MAL: variants seen among roughly 807,000 people sequenced by gnomAD.
The protein encoded by MAL is mal, T cell differentiation protein (MAL blood group).
In MAL, 5 loss-of-function variants were observed where a neutral mutation model predicts 16.7. That is an observed-to-expected ratio of 0.30 (90% CI 0.16 to 0.63). MAL has a LOEUF of 0.63. Ranked by LOEUF, MAL falls within the 30% of genes least tolerant of loss-of-function variation. The pLI is 0.82. For missense variants in MAL, 202 were observed against 195.8 expected (o/e 1.03, Z -0.19); for synonymous variants, 96 against 85.5 (o/e 1.12, Z -0.67).
chr2:95,034,505 T>C (rs1674160101), intron 1 of MAL, among the ~76,000 whole-genome samples: 1 of 152,226 alleles, frequency 6.6e-6, no homozygotes, highest in South Asian at 2.1e-4. Context: ...CAGGCTCAGA[T>C]TAAAGCTTTC....
chr2:95,036,857 G>GTGAGTGAC (rs201275333), intron 1 of MAL, among the ~76,000 whole-genome samples: 5 of 151,558 alleles, frequency 3.3e-5, no homozygotes, highest in Non-Finnish European at 7.4e-5. Flanking sequence ...GAGTGAGTGA[G>GTGAGTGAC]TGAGTGACTG....
At chr2:95,044,596 C>T (rs1434835013) in intron 1 of MAL, 1 of 152,214 alleles carries the variant, frequency 6.6e-6, no homozygotes, top group East Asian at 1.9e-4. Flanking sequence ...TGGGGTTAAA[C>T]CCATAGTGGG....
At chr2:95,035,836 A>G (rs1674192096) in intron 1 of MAL, among the ~76,000 whole-genome samples, 1 of 151,662 alleles carries the variant, frequency 6.6e-6, no homozygotes, top group Non-Finnish European at 1.5e-5. Context: ...CACCCGGCTA[A>G]TTTTTTGTAT....
intron 3 of MAL, among the ~76,000 whole-genome samples, chr2:95,051,203 C>G (rs1480974412): frequency 6.6e-6 from 1 of 152,134 alleles, no homozygotes; most frequent in Non-Finnish European, 1.5e-5. Flanking sequence ...TTATCAAAGG[C>G]AGCACACAGC....
At chr2:95,035,046 G>A (rs1251165109) in intron 1 of MAL, among the ~76,000 whole-genome samples, 2 of 152,222 alleles carry the variant, frequency 1.3e-5, no homozygotes, top group African/African-American at 4.8e-5. Context: ...CATAAGATGA[G>A]TCCTTGACCT....
chr2:95,048,073 A>G lies in MAL; in HGVS notation c.208A>G (p.Ile70Val), dbSNP rs147657459. The change falls in exon 2 of 4, where the codon ATC becomes GTC. Residue 70 changes from isoleucine to valine, a missense_variant. Transcript: ENST00000309988. ...VFCFVATTTLIILYIIGAHGG... is the reference protein window; with the variant it reads ...VFCFVATTTLVILYIIGAHGG... ...CTGCTTCGTGGCCACCACCACCTTG[A>G]TCATCCTGTACATAATTGGAGCCCA... The G allele has an allele frequency of 1.4e-5, 23 of 1,613,582 alleles. No homozygotes were observed. The African/African-American group carries it at 3.1e-4, about 22-fold the overall frequency.
At chr2:95,034,934 C>T (rs1674170253) in intron 1 of MAL, among the ~76,000 whole-genome samples, 1 of 152,232 alleles carries the variant, frequency 6.6e-6, no homozygotes, top group Non-Finnish European at 1.5e-5. Context: ...AGTCTGCCCA[C>T]ATCCCTGGCA....
chr2:95,047,140 C>A (rs573077734), intron 1 of MAL, among the ~76,000 whole-genome samples: 1 of 152,224 alleles, frequency 6.6e-6, no homozygotes. Flanking sequence ...ACTACCATTG[C>A]ATAAAGGAAA....
chr2:95,032,796 G>A (rs906647393), intron 1 of MAL, among the ~76,000 whole-genome samples: 2 of 152,158 alleles, frequency 1.3e-5, no homozygotes, highest in African/African-American at 4.8e-5. Flanking sequence ...CCCTTCTTGG[G>A]GTCATGAACG....
intron 1 of MAL, among the ~76,000 whole-genome samples, chr2:95,046,900 GAGAGAGAGAA>G (rs1232598004): frequency 1.3e-5 from 2 of 148,872 alleles, no homozygotes; most frequent in Admixed American, 6.7e-5. Context: ...AAAAGAAAGA[GAGAGAGAGAA>G]AGAGAGAGAA....
rs546362510 is a variant in MAL at position 95,049,265 on chromosome 2, C to G, written c.262-316C>G. ...ACCCAACCTGGACTGTGGCCATGCA[C>G]GACACTTCTCAGATCCAGGACCAGC... is the stretch of plus-strand genomic sequence containing the variant. On this transcript the variant is annotated intron_variant, in intron 2 of 3. Coordinates refer to ENST00000309988, the MANE Select transcript of MAL (RefSeq NM_002371.4). Among the ~76,000 whole-genome samples, 5 of 152,328 alleles carry G rather than the reference C, an allele frequency of 3.3e-5. No homozygotes were observed. The South Asian group carries it at 6.2e-4, about 19-fold the overall frequency.
Position 95,025,712 on chromosome 2 carries a change from G to C in MAL, c.-81G>C. 5.1e-6 allele frequency: 5 copies of C among 979,780 alleles called. No individual in the cohort carries two copies. Among genetic ancestry groups the C allele is most frequent in the Non-Finnish European group, 7.1e-6 (5 of 702,968 alleles). 60.7% of individuals were successfully genotyped at this position (979,780 alleles called of 1,614,324 possible). A position where few individuals can be genotyped will look rare whatever the true frequency, so the allele number is the denominator to read the frequency against. On this transcript the variant is annotated 5_prime_UTR_variant, in exon 1 of 4. Coordinates refer to ENST00000309988, the MANE Select transcript of MAL (RefSeq NM_002371.4). The surrounding 1 kb of genome is among the most constrained non-coding windows in gnomAD (Gnocchi z 5.6). ...GCGCGCGGGGGCGCCCAGGCCACTGGGCTCCGCGGAGCCAGCGAGAGGTCT... is the reference window on the plus strand; with the variant it reads ...GCGCGCGGGGGCGCCCAGGCCACTGCGCTCCGCGGAGCCAGCGAGAGGTCT...
chr2:95,048,028 G>A lies in MAL; in HGVS notation c.163G>A (p.Val55Met). Residue 55 changes from valine (V) to methionine (M), a missense_variant, in exon 2 of 4, where the codon GTG becomes ATG. Physicochemically the swap from Val to Met is conservative, Grantham distance 21. Coordinates refer to ENST00000309988, the MANE Select transcript of MAL (RefSeq NM_002371.4). ...GCCCTGGCCCCTGGTCCAGGGCTGG[G>A]TGATGTTCGTGTCTGTGTTCTGCTT... Reference protein sequence around the residue: ...LVPWPLVQGWVMFVSVFCFVA... With the variant: ...LVPWPLVQGWMMFVSVFCFVA... 6.2e-7 allele frequency: 1 copy of A among 1,613,976 alleles called. No individual in the cohort carries two copies. Among genetic ancestry groups the A allele is most frequent in the Non-Finnish European group, 8.5e-7 (1 of 1,179,916 alleles).
intron 1 of MAL, among the ~76,000 whole-genome samples, chr2:95,031,592 G>A (rs1674083940): frequency 6.6e-6 from 1 of 152,218 alleles, no homozygotes; most frequent in Admixed American, 6.5e-5. Flanking sequence ...GTGCTCTGAG[G>A]TTCTCACAAG....
At chr2:95,026,027 G>A in intron 1 of MAL, 142 bp downstream of exon 1, 1 of 683,282 alleles carries the variant, frequency 1.5e-6, no homozygotes, top group Non-Finnish European at 2.4e-6. Flanking sequence ...CGGGGACTAA[G>A]CCAGGGAAGT....
At chr2:95,041,605 G>C (rs1674467868) in intron 1 of MAL, among the ~76,000 whole-genome samples, 1 of 152,120 alleles carries the variant, frequency 6.6e-6, no homozygotes, top group Admixed American at 6.6e-5. Context: ...CAGATGAGGG[G>C]ACAGAGAGAT....
In MAL at chr2:95,053,483, C is replaced by T. The variant is rs1214519445; in HGVS notation, c.*28C>T. The T allele has an allele frequency of 1.9e-6, 3 of 1,567,244 alleles. No individual in the cohort carries two copies. The highest frequency in any genetic ancestry group is 1.4e-5 in the African/African-American group (1 of 73,852). ...CCGCAGTAGAACTTGAGCTGAAAAC[C>T]CAGATGGTGTTAACTGGCCGCCCCA... On this transcript the variant is annotated 3_prime_UTR_variant, in exon 4 of 4. Coordinates refer to ENST00000309988, the MANE Select transcript of MAL (RefSeq NM_002371.4).
Position 95,048,014 on chromosome 2 carries a change from T to A in MAL, c.149T>A (p.Leu50Gln), listed in dbSNP as rs141511881. ...LVASSLVPWP[L>Q]VQGWVMFVSV... is the part of the protein sequence containing the mutation. Reference sequence around the variant, plus strand: ...GCCTCCTCCCTGGTGCCCTGGCCCCTGGTCCAGGGCTGGGTGATGTTCGTG... The same window carrying A: ...GCCTCCTCCCTGGTGCCCTGGCCCCAGGTCCAGGGCTGGGTGATGTTCGTG... Residue 50 changes from leucine (L) to glutamine (Q), a missense_variant, in exon 2 of 4, where the codon CTG becomes CAG. Leu to Gln is a moderately radical substitution (Grantham distance 113, BLOSUM62 -2). Transcript: ENST00000309988. The A allele has an allele frequency of 4.3e-6, 7 of 1,613,772 alleles. No individual in the cohort carries two copies. The highest frequency in any genetic ancestry group is 5.1e-6 in the Non-Finnish European group (6 of 1,179,904).
At chr2:95,039,727 CTGAGTGAG>C (rs10617795) in intron 1 of MAL, among the ~76,000 whole-genome samples, 1,602 of 148,364 alleles carry the variant, frequency 0.011, 13 homozygotes, top group Middle Eastern at 0.029. Context: ...GAGTGAGTGA[CTGAGTGAG>C]TGAGTGGGTG....
Sources: gnomAD v4.1 joint callset for allele counts (sites outside exome capture counted in the v4.1 genomes callset) on GRCh38, gnomAD v4.1.1 for gene constraint, Gnocchi (gnomAD v3.1) non-coding constraint, MANE v1.5 for transcripts, NCBI Gene and HGNC (gene_info 2026-07-23, HGNC 2026-07-21) for gene names.